The following CACNA2D3 variants were observed in gnomAD, a reference collection of about 807,000 sequenced individuals.
The protein encoded by CACNA2D3 is calcium voltage-gated channel auxiliary subunit alpha2delta 3.
In CACNA2D3, 60 loss-of-function variants were observed where a neutral mutation model predicts 160.6. That is an observed-to-expected ratio of 0.37 (90% CI 0.30 to 0.46). The LOEUF (loss-of-function observed/expected upper bound fraction) is 0.46, where lower values mean the gene tolerates loss of function less well. Among genes scored for constraint, CACNA2D3 ranks in the 20% least tolerant of loss-of-function variants. The pLI is 1.00. For missense variants in CACNA2D3, 1,205 were observed against 1,365.0 expected, an observed-to-expected ratio of 0.88 and a Z score of 1.85; for synonymous variants, 558 against 492.9, an observed-to-expected ratio of 1.13 and a Z score of -1.75.
chr3:54,984,888 G>A (rs1702582494), intron 30 of CACNA2D3, among the ~76,000 whole-genome samples: 1 of 152,122 alleles, frequency 6.6e-6, no homozygotes. Flanking sequence ...GGTGCAGGGG[G>A]GTGACAGTGC....
chr3:54,285,930 C>T (rs1405402934), intron 2 of CACNA2D3, among the ~76,000 whole-genome samples: 4 of 152,110 alleles, frequency 2.6e-5, no homozygotes, highest in South Asian at 2.1e-4. Flanking sequence ...CCCATCTGTA[C>T]GTCACCATCA....
At chr3:54,897,303 G>A (rs773535794) in intron 26 of CACNA2D3, among the ~76,000 whole-genome samples, 1 of 152,162 alleles carries the variant, frequency 6.6e-6, no homozygotes, top group African/African-American at 2.4e-5. Flanking sequence ...GACTGACTTT[G>A]TATAACCATG....
chr3:54,268,527 A>G (rs186857323), intron 2 of CACNA2D3, among the ~76,000 whole-genome samples: 1 of 152,286 alleles, frequency 6.6e-6, no homozygotes, highest in Admixed American at 6.5e-5. Flanking sequence ...CTCCTGCCTC[A>G]GCCTCCTGTC....
chr3:54,773,268 C>G (rs940569663), intron 13 of CACNA2D3, among the ~76,000 whole-genome samples: 2 of 152,218 alleles, frequency 1.3e-5, no homozygotes, highest in Non-Finnish European at 2.9e-5. Flanking sequence ...AAGCTATAAC[C>G]TCTTACTGCC....
rs554344866 is a variant in CACNA2D3 at position 54,734,774 on chromosome 3, A to G, written c.1168-17825A>G. On this transcript the variant is annotated intron_variant, in intron 11 of 37. Transcript: ENST00000474759. ...TTATTGGGGATAATAACTGGTTGTC[A>G]GAGCATTAACATCCTCGGCTTCACT... Among the ~76,000 whole-genome samples the G allele has an allele frequency of 9.8e-5, 15 of 152,364 alleles. No homozygotes were observed. In the South Asian group the frequency reaches 3.1e-3, roughly 32 times the overall value.
intron 4 of CACNA2D3, among the ~76,000 whole-genome samples, chr3:54,441,994 G>A (rs1018649309): frequency 6.6e-6 from 1 of 152,062 alleles, no homozygotes; most frequent in Non-Finnish European, 1.5e-5. Flanking sequence ...TTTTAGAGAT[G>A]GAGGTCTTAC....
chr3:54,151,654 C>A (rs1700154247), intron 2 of CACNA2D3, among the ~76,000 whole-genome samples: 2 of 152,154 alleles, frequency 1.3e-5, no homozygotes, highest in South Asian at 4.1e-4. Flanking sequence ...TTTGTTGCAA[C>A]AATGCTGAGA....
chr3:54,293,297 A>G (rs1028942493), intron 2 of CACNA2D3, among the ~76,000 whole-genome samples: 4 of 152,148 alleles, frequency 2.6e-5, no homozygotes. Flanking sequence ...TGGTGCACCC[A>G]TCACCTGAGC....
At chr3:54,691,895 CT>C (rs1700578946) in intron 11 of CACNA2D3, among the ~76,000 whole-genome samples, 1 of 129,714 alleles carries the variant, frequency 7.7e-6, no homozygotes, top group African/African-American at 2.5e-5. Context: ...TTAATTTTGA[CT>C]CTGTGAATAG....
intron 3 of CACNA2D3, among the ~76,000 whole-genome samples, chr3:54,362,401 G>A (rs545736521): frequency 3.9e-5 from 6 of 152,278 alleles, no homozygotes; most frequent in Non-Finnish European, 5.9e-5. Context: ...CTCTCTCACC[G>A]TGTGGCAGGG....
At chr3:55,038,367 GC>G (rs1187735029) in intron 35 of CACNA2D3, among the ~76,000 whole-genome samples, 1 of 152,084 alleles carries the variant, frequency 6.6e-6, no homozygotes, top group Non-Finnish European at 1.5e-5. Flanking sequence ...ATCACCAAAT[GC>G]CTAAAGCAGT....
At chr3:54,321,315 G>A (rs976392249) in intron 3 of CACNA2D3, among the ~76,000 whole-genome samples, 4 of 95,946 alleles carry the variant, frequency 4.2e-5, no homozygotes, top group African/African-American at 7.1e-5. Flanking sequence ...GTGAGACTCC[G>A]GCTCAAAAAA....
At position 54,781,611 on chromosome 3, in the gene CACNA2D3, C is replaced by A. The variant is rs548601873; in HGVS notation, c.1380+17260C>A. ...ATTTTTAGGAAATACAGCCTAAGTC[C>A]TTGCAGTGAACAATCCAAGCCAATT... On this transcript the variant is annotated intron_variant, in intron 13 of 37. Transcript: ENST00000474759. Among the ~76,000 whole-genome samples the A allele has an allele frequency of 2.2e-4, 34 of 152,314 alleles. No homozygotes were observed. In the South Asian group the frequency reaches 6.6e-3, roughly 30 times the overall value.
chr3:54,689,895 C>T (rs1206755486), intron 11 of CACNA2D3, among the ~76,000 whole-genome samples: 2 of 152,104 alleles, frequency 1.3e-5, no homozygotes, highest in Admixed American at 6.5e-5. Flanking sequence ...TCTGCTCAGT[C>T]CTCTGGTGGC....
At chr3:54,899,961 A>G in intron 27 of CACNA2D3, 93 bp downstream of exon 27, 1 of 893,624 alleles carries the variant, frequency 1.1e-6, no homozygotes, top group Non-Finnish European at 1.8e-6. Context: ...CTTATCCTCC[A>G]AAAAGGTTTT....
chr3:54,449,489 T>C (rs1472195468), intron 4 of CACNA2D3, among the ~76,000 whole-genome samples: 1 of 152,236 alleles, frequency 6.6e-6, no homozygotes, highest in Non-Finnish European at 1.5e-5. Context: ...TTGCCAATTT[T>C]AAGTCATTCT....
intron 5 of CACNA2D3, among the ~76,000 whole-genome samples, chr3:54,548,322 G>A (rs528971360): frequency 6.6e-6 from 1 of 152,328 alleles, no homozygotes; most frequent in South Asian, 2.1e-4. Flanking sequence ...AGATGTGTTG[G>A]TTAAAATTTC....
intron 2 of CACNA2D3, among the ~76,000 whole-genome samples, chr3:54,225,387 G>A (rs186141527): frequency 6.6e-6 from 1 of 152,262 alleles, no homozygotes. Context: ...TTTAAAAAGT[G>A]CTTCCTACCG....
intron 11 of CACNA2D3, among the ~76,000 whole-genome samples, chr3:54,749,357 A>T (rs970681359): frequency 1.3e-5 from 2 of 152,302 alleles, no homozygotes; most frequent in South Asian, 2.1e-4. Context: ...ACAGTTTTTG[A>T]CCTTTACAAG....
Sources: gnomAD v4.1 joint callset for allele counts (sites outside exome capture counted in the v4.1 genomes callset) on GRCh38, gnomAD v4.1.1 for gene constraint, MANE v1.5 for transcripts, NCBI Gene and HGNC (gene_info 2026-07-23, HGNC 2026-07-21) for gene names.